Variants in ERBB4 observed in about 807,000 individuals in gnomAD.
ERBB4 encodes receptor tyrosine-protein kinase erbB-4.
In ERBB4, 42 loss-of-function variants were observed where a neutral mutation model predicts 158.0. The ratio of observed to expected loss-of-function variants is 0.27; its 90% confidence interval spans 0.21 to 0.34. The LOEUF is 0.34. Among genes scored for constraint, ERBB4 ranks in the 10% least tolerant of loss-of-function variants. The pLI is 1.00. For missense variants in ERBB4, 1,333 were observed against 1,624.1 expected, an observed-to-expected ratio of 0.82 and a Z score of 3.08; for synonymous variants, 583 against 558.7, an observed-to-expected ratio of 1.04 and a Z score of -0.61.
At chr2:212,040,686 T>TAC (rs1196659822) in intron 2 of ERBB4, among the ~76,000 whole-genome samples, 1 of 152,146 alleles carries the variant, frequency 6.6e-6, no homozygotes, top group African/African-American at 2.4e-5. Flanking sequence ...GATATTCATG[T>TAC]ACACTGAGTA....
chr2:212,331,073 C>T (rs7421992), intron 1 of ERBB4, among the ~76,000 whole-genome samples: 149 of 18,868 alleles, frequency 7.9e-3, no homozygotes, highest in East Asian at 0.035. Flanking sequence ...TATATATATA[C>T]ACATATATAT....
chr2:211,989,331 A>G (rs907763297), intron 2 of ERBB4, among the ~76,000 whole-genome samples: 3 of 151,886 alleles, frequency 2.0e-5, no homozygotes, highest in Non-Finnish European at 2.9e-5. Flanking sequence ...GACTTTTTCT[A>G]CTTGCTTCAA....
At chr2:211,798,211 T>C (rs1327939665) in intron 3 of ERBB4, among the ~76,000 whole-genome samples, 3 of 151,982 alleles carry the variant, frequency 2.0e-5, no homozygotes, top group Non-Finnish European at 4.4e-5. Context: ...CACAACAAAT[T>C]AGTTTTGCCT....
In ERBB4 at chr2:212,291,595, C is replaced by A. The variant is rs1002715144; in HGVS notation, c.83-166692G>T. On this transcript the variant is annotated intron_variant, in intron 1 of 27. Coordinates refer to ENST00000342788, the MANE Select transcript of ERBB4 (RefSeq NM_005235.3). ...CTGTAAATATACATATTTTTTCTTT[C>A]TTTTATATGGAAGTAAATTAATTAG... 2.0e-5 allele frequency among the ~76,000 whole-genome samples: 3 copies of A among 151,798 alleles called. No individual in the cohort carries two copies. In the East Asian group the frequency reaches 5.8e-4, roughly 29 times the overall value.
At chr2:212,020,319 A>G (rs112328401) in intron 2 of ERBB4, among the ~76,000 whole-genome samples, 2,829 of 152,222 alleles carry the variant, frequency 0.019, 45 homozygotes, top group Middle Eastern at 0.034. Context: ...AACTTATCAT[A>G]TATAGAGGTT....
chr2:212,101,248 A>G (rs1034203671), intron 2 of ERBB4, among the ~76,000 whole-genome samples: 1 of 151,678 alleles, frequency 6.6e-6, no homozygotes, highest in Admixed American at 6.6e-5. Context: ...GATAATAAAA[A>G]TATCATTATT....
chr2:211,442,641 C>T (rs141214820), intron 20 of ERBB4, among the ~76,000 whole-genome samples: 3 of 149,440 alleles, frequency 2.0e-5, no homozygotes, highest in Non-Finnish European at 3.0e-5. Flanking sequence ...CACACACACA[C>T]GTATATATGT....
At position 211,936,762 on chromosome 2, in the gene ERBB4, G is replaced by A. The variant is rs953911095; in HGVS notation, c.421+10668C>T. On this transcript the variant is annotated intron_variant, in intron 3 of 27. Coordinates refer to ENST00000342788, the MANE Select transcript of ERBB4 (RefSeq NM_005235.3). ...AACTATATTTCCATCTCTTTTCCCCGTAGAAGTGATAAATCAACTAGATCT... is the reference window on the plus strand; with the variant it reads ...AACTATATTTCCATCTCTTTTCCCCATAGAAGTGATAAATCAACTAGATCT... Among the ~76,000 whole-genome samples, 9 of 151,954 alleles carry A rather than the reference G, an allele frequency of 5.9e-5. No individual in the cohort carries two copies. In the East Asian group the frequency reaches 9.7e-4, roughly 16 times the overall value.
At chr2:211,658,386 A>T (rs1019169934) in intron 15 of ERBB4, among the ~76,000 whole-genome samples, 2 of 152,164 alleles carry the variant, frequency 1.3e-5, no homozygotes, top group African/African-American at 4.8e-5. Flanking sequence ...TAAATAAAAA[A>T]AAAACAATAA....
intron 20 of ERBB4, among the ~76,000 whole-genome samples, chr2:211,506,233 C>T (rs921540277): frequency 6.6e-6 from 1 of 151,938 alleles, no homozygotes; most frequent in Non-Finnish European, 1.5e-5. Flanking sequence ...AAATATAGCA[C>T]CCAACACTGG....
intron 20 of ERBB4, among the ~76,000 whole-genome samples, chr2:211,537,276 GA>G (rs1361516433): frequency 1.3e-5 from 2 of 151,424 alleles, no homozygotes; most frequent in African/African-American, 2.4e-5. Context: ...TTTATAAACA[GA>G]AAAAATGAAT....
intron 1 of ERBB4, among the ~76,000 whole-genome samples, chr2:212,301,341 T>A (rs2086614420): frequency 6.6e-6 from 1 of 151,484 alleles, no homozygotes; most frequent in South Asian, 2.1e-4. Flanking sequence ...ATTAGGCATA[T>A]CCCAATTCCC....
chr2:211,494,061 G>A (rs145568729), intron 20 of ERBB4, among the ~76,000 whole-genome samples: 1,870 of 152,232 alleles, frequency 0.012, 45 homozygotes, highest in African/African-American at 0.042. Context: ...GGAGTGCAGC[G>A]GTGCGATCTC....
At chr2:212,123,007 T>C (rs1244695788) in intron 2 of ERBB4, among the ~76,000 whole-genome samples, 1 of 152,202 alleles carries the variant, frequency 6.6e-6, no homozygotes, top group Non-Finnish European at 1.5e-5. Context: ...TCAGCTTTCT[T>C]TGTTAGTTTG....
At chr2:212,185,021 C>CTTTTTTTTTTTCTTTTTTTTTTTTTTTT (rs1553584050) in intron 1 of ERBB4, among the ~76,000 whole-genome samples, 25 of 132,512 alleles carry the variant, frequency 1.9e-4, no homozygotes, top group African/African-American at 6.8e-4. Flanking sequence ...ACTTTTTTTT[C>CTTTTTTTTTTTCTTTTTTTTTTTTTTTT]TTTTTTTTTT....
At chr2:212,456,716 C>A (rs543665727) in intron 1 of ERBB4, among the ~76,000 whole-genome samples, 1 of 151,750 alleles carries the variant, frequency 6.6e-6, no homozygotes, top group Non-Finnish European at 1.5e-5. Flanking sequence ...TTTTGCAGAG[C>A]TTTTAAGAGC....
rs370490468 is a variant in ERBB4, at chr2:212,030,319, TAC to T, written c.235-82705_235-82704del. On this transcript the variant is annotated intron_variant, in intron 2 of 27. Transcript: ENST00000342788. ...CAGCCGTCTAACTAGCTGGATGCCT[TAC>T]CACCACTTTCTCCCCTATCCAGTCT... Among the ~76,000 whole-genome samples the T allele has an allele frequency of 6.6e-3, 999 of 152,242 alleles. 7 individuals carry two copies. Among genetic ancestry groups the T allele is most frequent in the African/African-American group, 0.023 (952 of 41,554 alleles).
intron 1 of ERBB4, among the ~76,000 whole-genome samples, chr2:212,450,063 A>G (rs934163138): frequency 1.8e-4 from 27 of 152,192 alleles, no homozygotes; most frequent in African/African-American, 6.5e-4. Flanking sequence ...CTTGCTATGC[A>G]CTTCAGAGGT....
At chr2:211,945,858 T>C (rs1468021040) in intron 3 of ERBB4, among the ~76,000 whole-genome samples, 1 of 152,114 alleles carries the variant, frequency 6.6e-6, no homozygotes, top group Non-Finnish European at 1.5e-5. Flanking sequence ...AAGATTCCAG[T>C]ATTATACAAA....
Sources: allele counts gnomAD v4.1 joint callset (sites outside exome capture counted in the v4.1 genomes callset), GRCh38; gene constraint gnomAD v4.1.1; transcripts MANE v1.5; gene names NCBI Gene and HGNC (gene_info 2026-07-23, HGNC 2026-07-21).